The following TNRC18 variants were observed in gnomAD, a reference collection of about 807,000 sequenced individuals.
The protein encoded by TNRC18 is trinucleotide repeat-containing gene 18 protein.
Under a neutral mutation model 226.7 loss-of-function variants are expected in TNRC18, and 69 were observed. The observed-to-expected ratio is 0.30, with a 90% confidence interval of 0.25 to 0.37. The LOEUF (loss-of-function observed/expected upper bound fraction) is 0.37. Among genes scored for constraint, TNRC18 ranks in the 10% least tolerant of loss-of-function variants. TNRC18 has a pLI of 1.00. For missense variants in TNRC18, 4,754 were observed against 4,256.6 expected (o/e 1.12, Z -3.25); for synonymous variants, 2,449 against 1,927.6 (o/e 1.27, Z -7.09).
intron 11 of TNRC18, among the ~76,000 whole-genome samples, chr7:5,364,755 G>A (rs751496729): frequency 7.0e-6 from 1 of 143,082 alleles, no homozygotes; most frequent in Non-Finnish European, 1.5e-5. Flanking sequence ...GGGGAGGCAT[G>A]ATAGCCCCAC....
Position 5,388,788 on chromosome 7 carries a change from G to A in TNRC18, c.1036C>T (p.Pro346Ser). The A allele has an allele frequency of 1.6e-6, 2 of 1,213,854 alleles. No homozygotes were observed. Among genetic ancestry groups the A allele is most frequent in the Non-Finnish European group, 2.1e-6 (2 of 974,698 alleles). 75.2% of individuals were successfully genotyped at this position (1,213,854 alleles called of 1,614,324 possible). A position where few individuals can be genotyped will look rare whatever the true frequency, so the allele number is the denominator to read the frequency against. The stretch of plus-strand genomic sequence containing the variant: ...GCGGGGGTGGCCGCGGGGGGTGCAG[G>A]AGGCCCCTTGGGGGGCGCGGGCGGC... ...PPPPAPPKGP[P>S]APPAATPAGV... Residue 346 changes from proline (P) to serine (S), a missense_variant, in exon 5 of 30, where the codon CCT (proline) becomes TCT (serine). Physicochemically the swap from Pro to Ser is moderately conservative, Grantham distance 74 (BLOSUM62 -1). Transcript: ENST00000430969.
rs770068931 is a variant in TNRC18 at position 5,324,341 on chromosome 7, C to T, written c.6315G>A (p.Gly2105=). The T allele has an allele frequency of 1.9e-6, 3 of 1,613,450 alleles. No homozygotes were observed. The highest frequency in any genetic ancestry group is 1.3e-5 in the African/African-American group (1 of 74,942). Residue 2105 remains glycine, a synonymous_variant, in exon 21 of 30, where the codon GGG becomes GGA. Transcript: ENST00000430969. This position sits in a 1 kb window ranked among gnomAD's most constrained non-coding sequence, Gnocchi z 4.8. ...TCTCCATCAGCTTGCTCACGGCACC[C>T]CCCTTGCCGCGGTTCTGGGGACAGA... The part of the protein sequence containing the change: ...KEVKKENRGK[G]GAVSKLMESM...
chr7:5,351,759 A>C, intron 17 of TNRC18, 60 bp downstream of exon 17: 1 of 1,486,072 alleles, frequency 6.7e-7, no homozygotes, highest in Non-Finnish European at 9.0e-7. Context: ...CCTCTCGCTC[A>C]CTCGCACGCA....
At chr7:5,414,579 T>G (rs1284880467) in intron 2 of TNRC18, among the ~76,000 whole-genome samples, 1 of 151,876 alleles carries the variant, frequency 6.6e-6, no homozygotes, top group Non-Finnish European at 1.5e-5. Context: ...CGCCCGGCTA[T>G]TTTTTTGTAT....
At position 5,371,213 on chromosome 7, in the gene TNRC18, T is replaced by C; in HGVS notation, c.3381A>G (p.Ser1127=). ...ACAAGCGGATGGGCTTGTCTTCGGGTGAGAGTGCCAGGCGCTCGGGCCCAT... is the reference window on the plus strand; with the variant it reads ...ACAAGCGGATGGGCTTGTCTTCGGGCGAGAGTGCCAGGCGCTCGGGCCCAT... ...PADGPERLAL[S]PEDKPIRLSP... is the part of the protein sequence containing the mutation. The change falls in exon 11 of 30, where the codon TCA becomes TCG. Residue 1127 remains serine, a synonymous_variant. Transcript: ENST00000430969. The C allele has an allele frequency of 6.2e-7, 1 of 1,605,234 alleles. No individual in the cohort carries two copies. Among genetic ancestry groups the C allele is most frequent in the Non-Finnish European group, 8.5e-7 (1 of 1,174,100 alleles).
intron 14 of TNRC18, among the ~76,000 whole-genome samples, chr7:5,360,896 G>C (rs1792965540): frequency 6.6e-6 from 1 of 152,124 alleles, no homozygotes; most frequent in South Asian, 2.1e-4. Flanking sequence ...CGCTCCTTCT[G>C]CTTCCTCAGG....
At chr7:5,395,071 C>G (rs1475859393) in intron 2 of TNRC18, among the ~76,000 whole-genome samples, 1 of 152,164 alleles carries the variant, frequency 6.6e-6, no homozygotes, top group Non-Finnish European at 1.5e-5. Flanking sequence ...CACCCTCCAG[C>G]CAGAGAATCA....
chr7:5,325,579 A>G, intron 19 of TNRC18: 1 of 288,982 alleles, frequency 3.5e-6, no homozygotes, highest in Non-Finnish European at 6.5e-6. Flanking sequence ...ACCCGCCACC[A>G]CACCTGGCTA....
chr7:5,345,461 G>A (rs1186826257), intron 18 of TNRC18, 101 bp downstream of exon 18: 1 of 1,205,424 alleles, frequency 8.3e-7, no homozygotes, highest in Non-Finnish European at 1.1e-6. Flanking sequence ...TCCCAGCTCT[G>A]CACCTGCATC....
chr7:5,340,348 C>A (rs1170686577), intron 18 of TNRC18, among the ~76,000 whole-genome samples: 2 of 152,144 alleles, frequency 1.3e-5, no homozygotes, highest in Admixed American at 1.3e-4. Context: ...ACAGCAAGGC[C>A]CCAACTCTCT....
Position 5,394,696 on chromosome 7 carries a change from C to T in TNRC18, c.188-101G>A. 1 of 885,090 alleles carries T rather than the reference C, an allele frequency of 1.1e-6. No individual in the cohort carries two copies. The highest frequency in any genetic ancestry group is 1.7e-6 in the Non-Finnish European group (1 of 579,470). The allele number at this position is 885,090 out of a possible 1,614,324, so 54.8% of individuals were successfully genotyped here. On this transcript the variant is annotated intron_variant, in intron 2 of 29. Coordinates refer to ENST00000430969, the MANE Select transcript of TNRC18 (RefSeq NM_001080495.3). This position sits in a 1 kb window ranked among gnomAD's most constrained non-coding sequence, Gnocchi z 4.5. ...CACCGCCCCGAGACCGCCGCCTCTCCCCAGCTGTGTGGAGCTGATGCTGGC... is the reference window on the plus strand; with the variant it reads ...CACCGCCCCGAGACCGCCGCCTCTCTCCAGCTGTGTGGAGCTGATGCTGGC...
intron 19 of TNRC18, among the ~76,000 whole-genome samples, chr7:5,327,771 A>G (rs536593371): frequency 6.6e-6 from 1 of 152,312 alleles, no homozygotes; most frequent in South Asian, 2.1e-4. Flanking sequence ...TAAATAAGAA[A>G]ATAACTTCCG....
Position 5,389,162 on chromosome 7 carries a change from C to T in TNRC18, c.662G>A (p.Gly221Asp), listed in dbSNP as rs894467990. ...GRGGEPPPLF[G>D]KKDPRARGEE... ...GCCCCGGGCGCGCGGGTCCTTCTTG[C>T]CGAAAAGCGGAGGCGGCTCCCCGCC... The change falls in exon 5 of 30, where the codon GGC (glycine) becomes GAC (aspartate). Residue 221 changes from glycine (G) to aspartate (D), a missense_variant. Physicochemically the swap from Gly to Asp is moderately conservative, Grantham distance 94 (BLOSUM62 -1). Transcript: ENST00000430969. 1.5e-6 allele frequency: 2 copies of T among 1,325,590 alleles called. No homozygotes were observed. The highest frequency in any genetic ancestry group is 1.7e-5 in the South Asian group (1 of 58,222). The allele number at this position is 1,325,590 out of a possible 1,614,324, so 82.1% of individuals were successfully genotyped here. A position where few individuals can be genotyped will look rare whatever the true frequency, so the allele number is the denominator to read the frequency against.
intron 5 of TNRC18, among the ~76,000 whole-genome samples, chr7:5,378,327 G>A (rs1388021102): frequency 1.3e-5 from 2 of 152,212 alleles, no homozygotes; most frequent in African/African-American, 4.8e-5. Context: ...CAGGGATATT[G>A]TAAGAAAATG....
At chr7:5,372,521 C>A (rs1346228307) in intron 10 of TNRC18, among the ~76,000 whole-genome samples, 1 of 151,378 alleles carries the variant, frequency 6.6e-6, no homozygotes, top group African/African-American at 2.4e-5. Flanking sequence ...CTGTGCCTGA[C>A]CTGGAAGACT....
chr7:5,329,682 C>CAAAAAAAAAAAAAAA (rs10628315), intron 19 of TNRC18, among the ~76,000 whole-genome samples: 1 of 45,756 alleles, frequency 2.2e-5, no homozygotes, highest in Non-Finnish European at 3.6e-5. Context: ...GACTCCGTCT[C>CAAAAAAAAAAAAAAA]AAAAAAAAAA....
At chr7:5,314,133 GTAT>G (rs1270812477) in intron 26 of TNRC18, among the ~76,000 whole-genome samples, 2 of 150,612 alleles carry the variant, frequency 1.3e-5, no homozygotes, top group East Asian at 1.9e-4. Context: ...GGAATTTTTT[GTAT>G]TATTATTTTT....
Position 5,307,995 on chromosome 7 carries a change from T to TGCAGGAGC in TNRC18, c.*103_*110dup. 1 of 1,027,536 alleles carries TGCAGGAGC rather than the reference T, an allele frequency of 9.7e-7. No individual in the cohort carries two copies. Among genetic ancestry groups the TGCAGGAGC allele is most frequent in the Non-Finnish European group, 1.4e-6 (1 of 705,634 alleles). 63.7% of individuals were successfully genotyped at this position (1,027,536 alleles called of 1,614,324 possible). A position where few individuals can be genotyped will look rare whatever the true frequency, so the allele number is the denominator to read the frequency against. On this transcript the variant is annotated 3_prime_UTR_variant, in exon 30 of 30. Coordinates refer to ENST00000430969, the MANE Select transcript of TNRC18 (RefSeq NM_001080495.3). Reference sequence around the variant, plus strand: ...GCACACCTGGCCCCATGCACACGCCTGCAGGAGCGCTCGCATGCACACAAC... The same window carrying TGCAGGAGC: ...GCACACCTGGCCCCATGCACACGCCTGCAGGAGCGCAGGAGCGCTCGCATGCACACAAC...
At chr7:5,351,601 C>A (rs1367058020) in intron 17 of TNRC18, among the ~76,000 whole-genome samples, 1 of 152,220 alleles carries the variant, frequency 6.6e-6, no homozygotes, top group Non-Finnish European at 1.5e-5. Flanking sequence ...GATATTATCA[C>A]AATGATACAG....
Sources: gnomAD v4.1 joint callset for allele counts (sites outside exome capture counted in the v4.1 genomes callset) on GRCh38, gnomAD v4.1.1 for gene constraint, Gnocchi (gnomAD v3.1) non-coding constraint, MANE v1.5 for transcripts, NCBI Gene and HGNC (gene_info 2026-07-23, HGNC 2026-07-21) for gene names.